LRFN5: variants seen among roughly 807,000 people sequenced by gnomAD.
LRFN5 encodes leucine-rich repeat and fibronectin type-III domain-containing protein 5.
Under a neutral mutation model 45.6 loss-of-function variants are expected in LRFN5, and 24 were observed. The ratio of observed to expected loss-of-function variants is 0.53; its 90% CI spans 0.38 to 0.74. The LOEUF (loss-of-function observed/expected upper bound fraction) is 0.74, where lower values mean the gene tolerates loss of function less well. Ranked by LOEUF, LRFN5 falls within the 30% of genes least tolerant of loss-of-function variation. LRFN5 has a pLI of 0.00. For synonymous variants in LRFN5, 340 were observed against 313.8 expected (o/e 1.08, Z -0.88); for missense variants, 776 against 861.5 (o/e 0.90, Z 1.24).
chr14:41,728,863 T>C (rs1224443667), intron 1 of LRFN5, among the ~76,000 whole-genome samples: 3 of 152,180 alleles, frequency 2.0e-5, no homozygotes, highest in African/African-American at 7.2e-5. Context: ...CAAAAATTGA[T>C]CAAGCATGTT....
intron 2 of LRFN5, among the ~76,000 whole-genome samples, chr14:41,807,420 T>C (rs1887562335): frequency 6.6e-6 from 1 of 152,174 alleles, no homozygotes; most frequent in South Asian, 2.1e-4. Flanking sequence ...TATATTTATG[T>C]GTAATACACT....
chr14:41,724,969 C>T (rs1051314270), intron 1 of LRFN5, among the ~76,000 whole-genome samples: 11 of 151,834 alleles, frequency 7.2e-5, no homozygotes, highest in African/African-American at 1.9e-4. Flanking sequence ...TCAGATTATC[C>T]TTTTTTTTAA....
chr14:41,883,054 G>A (rs7152343), intron 2 of LRFN5, among the ~76,000 whole-genome samples: 50,020 of 151,416 alleles, frequency 0.33, 8,704 homozygotes, highest in East Asian at 0.64. Context: ...TCACCGTATT[G>A]GCCAGGATGG....
At chr14:41,764,459 G>C (rs1885796985) in intron 1 of LRFN5, among the ~76,000 whole-genome samples, 1 of 152,060 alleles carries the variant, frequency 6.6e-6, no homozygotes, top group South Asian at 2.1e-4. Flanking sequence ...TTAGTAATGT[G>C]ACCATATAGA....
intron 1 of LRFN5, among the ~76,000 whole-genome samples, chr14:41,657,958 A>C (rs958834405): frequency 1.3e-5 from 2 of 151,916 alleles, no homozygotes; most frequent in African/African-American, 4.8e-5. Flanking sequence ...ACCTATGTCA[A>C]CATTTTTTCA....
Position 41,644,719 on chromosome 14 carries a change from C to T in LRFN5, c.-197+36157C>T, listed in dbSNP as rs577600495. 2.0e-5 allele frequency among the ~76,000 whole-genome samples: 3 copies of T among 152,206 alleles called. No homozygotes were observed. The East Asian group carries it at 5.8e-4, about 29-fold the overall frequency. On this transcript the variant is annotated intron_variant, in intron 1 of 5. Coordinates refer to ENST00000298119, the MANE Select transcript of LRFN5 (RefSeq NM_152447.5). ...TCTTTAGGATATATTTTATGTCCTTCCCCTGTGTCCTCCAACTTTCAGTCG... is the reference window on the plus strand; with the variant it reads ...TCTTTAGGATATATTTTATGTCCTTTCCCTGTGTCCTCCAACTTTCAGTCG...
At chr14:41,709,849 C>G (rs1883213899) in intron 1 of LRFN5, among the ~76,000 whole-genome samples, 1 of 151,788 alleles carries the variant, frequency 6.6e-6, no homozygotes, top group Non-Finnish European at 1.5e-5. Flanking sequence ...ATATTTTACT[C>G]CAATATAAAA....
chr14:41,811,866 C>G lies in LRFN5; in HGVS notation c.-21+44837C>G, dbSNP rs529897670. Among the ~76,000 whole-genome samples, 230 of 152,052 alleles carry G rather than the reference C, an allele frequency of 1.5e-3. 1 individual carries two copies. The highest frequency in any genetic ancestry group is 2.5e-3 in the Non-Finnish European group (167 of 67,974). The stretch of plus-strand genomic sequence containing the variant: ...ATCGATTGTGGTGGTTATTGTACAA[C>G]TACATTAACACACTAGAACCCTTTG... On this transcript the variant is annotated intron_variant, in intron 2 of 5. Transcript: ENST00000298119.
intron 2 of LRFN5, among the ~76,000 whole-genome samples, chr14:41,780,116 T>G (rs1886430178): frequency 6.6e-6 from 1 of 151,916 alleles, no homozygotes; most frequent in South Asian, 2.1e-4. Flanking sequence ...ACTGGTTTTG[T>G]TAAGTTATGG....
chr14:41,857,014 C>T (rs985973649), intron 2 of LRFN5, among the ~76,000 whole-genome samples: 18 of 152,040 alleles, frequency 1.2e-4, no homozygotes, highest in Non-Finnish European at 2.4e-4. Context: ...GCATAAAGTC[C>T]TTATCTAAGA....
chr14:41,814,343 T>G (rs1006446709), intron 2 of LRFN5, among the ~76,000 whole-genome samples: 1 of 152,182 alleles, frequency 6.6e-6, no homozygotes, highest in Admixed American at 6.6e-5. Flanking sequence ...GGGGCTACAC[T>G]TCACTATAAA....
intron 2 of LRFN5, among the ~76,000 whole-genome samples, chr14:41,841,176 A>G (rs1487594743): frequency 1.3e-5 from 2 of 152,096 alleles, no homozygotes; most frequent in East Asian, 3.9e-4. Flanking sequence ...AAAATAAACC[A>G]GTGATTCTAG....
intron 1 of LRFN5, among the ~76,000 whole-genome samples, chr14:41,674,388 CA>C (rs1384279970): frequency 7.4e-6 from 1 of 134,492 alleles, no homozygotes; most frequent in African/African-American, 2.8e-5. Context: ...CTGACCCCCC[CA>C]CCTCCCTCCC....
intron 3 of LRFN5, among the ~76,000 whole-genome samples, chr14:41,891,000 C>G (rs2139161246): frequency 6.6e-6 from 1 of 152,174 alleles, no homozygotes; most frequent in Non-Finnish European, 1.5e-5. Flanking sequence ...AGGAGTTCTC[C>G]TTTGCTAAGC....
At chr14:41,711,537 A>T (rs1046522672) in intron 1 of LRFN5, among the ~76,000 whole-genome samples, 1 of 152,236 alleles carries the variant, frequency 6.6e-6, no homozygotes, top group Non-Finnish European at 1.5e-5. Context: ...AAATCTCCCC[A>T]TCATGTAGAA....
intron 2 of LRFN5, among the ~76,000 whole-genome samples, chr14:41,787,816 T>C (rs534892479): frequency 6.6e-6 from 1 of 152,206 alleles, no homozygotes; most frequent in East Asian, 1.9e-4. Flanking sequence ...TACTTAATGT[T>C]TGTGTCTCCT....
chr14:41,884,460 A>T (rs930033035), intron 2 of LRFN5, among the ~76,000 whole-genome samples: 19 of 152,138 alleles, frequency 1.2e-4, no homozygotes, highest in African/African-American at 4.3e-4. Context: ...TCTTAACCTC[A>T]GTAGGGAAGG....
At chr14:41,623,338 G>T (rs1337779951) in intron 1 of LRFN5, among the ~76,000 whole-genome samples, 1 of 152,082 alleles carries the variant, frequency 6.6e-6, no homozygotes, top group African/African-American at 2.4e-5. Context: ...TTTCCACCAT[G>T]ATGGTAAGTT....
intron 2 of LRFN5, among the ~76,000 whole-genome samples, chr14:41,843,602 A>G (rs1261642924): frequency 1.3e-5 from 2 of 152,124 alleles, no homozygotes; most frequent in Admixed American, 1.3e-4. Context: ...GTATGCTGAG[A>G]GTAGCATTCG....
Sources: gnomAD v4.1 joint callset for allele counts (sites outside exome capture counted in the v4.1 genomes callset) on GRCh38, gnomAD v4.1.1 for gene constraint, MANE v1.5 for transcripts, NCBI Gene and HGNC (gene_info 2026-07-23, HGNC 2026-07-21) for gene names.